Variants in GAP43 observed in about 807,000 individuals in gnomAD.
GAP43 encodes growth associated protein 43, also known as neuromodulin.
Under a neutral mutation model 18.6 loss-of-function variants are expected in GAP43, and 6 were observed. That is an observed-to-expected ratio of 0.32 (90% CI 0.18 to 0.64). GAP43 has a LOEUF of 0.64. Ranked by LOEUF, GAP43 falls within the 30% of genes least tolerant of loss-of-function variation. The probability of loss-of-function intolerance (pLI) is 0.78; values close to 1 mark genes in which losing one functional copy is unlikely to be tolerated. For synonymous variants in GAP43, 115 were observed against 111.4 expected, an observed-to-expected ratio of 1.03 and a Z score of -0.20; for missense variants, 292 against 295.5, an observed-to-expected ratio of 0.99 and a Z score of 0.09.
chr3:115,686,078 T>C (rs1709029732), intron 2 of GAP43, among the ~76,000 whole-genome samples: 1 of 152,252 alleles, frequency 6.6e-6, no homozygotes, highest in Non-Finnish European at 1.5e-5. Context: ...GATTTCAGGC[T>C]ACCAATGTGT....
At chr3:115,698,427 C>T (rs1011388748) in intron 2 of GAP43, among the ~76,000 whole-genome samples, 1 of 145,700 alleles carries the variant, frequency 6.9e-6, no homozygotes, top group Admixed American at 7.4e-5. Flanking sequence ...ACTCAGATTA[C>T]TCCAATAAAA....
At chr3:115,681,816 C>G (rs2107351480) in intron 2 of GAP43, among the ~76,000 whole-genome samples, 1 of 152,274 alleles carries the variant, frequency 6.6e-6, no homozygotes, top group East Asian at 1.9e-4. Context: ...ATTTTCCCTT[C>G]CCTTTTTACA....
rs1709572894 is a variant in GAP43, at chr3:115,721,129, C to CAAGT, written c.*248_*251dup. On this transcript the variant is annotated 3_prime_UTR_variant, in exon 3 of 3. Coordinates refer to ENST00000305124, the MANE Select transcript of GAP43 (RefSeq NM_002045.4). ...TTTTTGTTTCTTGGTGTTGTTATGGCAAGTTTTTGGTAATGATGATTCAAT... is the reference window on the plus strand; with the variant it reads ...TTTTTGTTTCTTGGTGTTGTTATGGCAAGTAAGTTTTTGGTAATGATGATTCAAT... 1 of 248,526 alleles carries CAAGT rather than the reference C, an allele frequency of 4.0e-6. No homozygotes were observed. Among genetic ancestry groups the CAAGT allele is most frequent in the African/African-American group, 2.3e-5 (1 of 44,260 alleles). The allele number at this position is 248,526 out of a possible 1,614,324, so 15.4% of individuals were successfully genotyped here. A position where few individuals can be genotyped will look rare whatever the true frequency, so the allele number is the denominator to read the frequency against.
intron 1 of GAP43, among the ~76,000 whole-genome samples, chr3:115,628,876 T>C (rs1231784838): frequency 6.6e-6 from 1 of 152,198 alleles, no homozygotes; most frequent in Non-Finnish European, 1.5e-5. Context: ...GTAGATCAGA[T>C]GTCTGTTTTT....
intron 1 of GAP43, among the ~76,000 whole-genome samples, chr3:115,640,982 C>CCTTT (rs751233384): frequency 7.5e-6 from 1 of 133,736 alleles, no homozygotes; most frequent in African/African-American, 2.7e-5. Context: ...TTCCTTCCTT[C>CCTTT]TTCTTTCTTC....
intron 2 of GAP43, among the ~76,000 whole-genome samples, chr3:115,681,435 G>A (rs16823991): frequency 0.1 from 15,559 of 152,024 alleles, 1,292 homozygotes; most frequent in East Asian, 0.34. Flanking sequence ...CTGTTGTTGT[G>A]ATCTGATGCT....
Position 115,633,128 on chromosome 3 carries a change from C to T in GAP43, c.30+9409C>T, listed in dbSNP as rs72961640. On this transcript the variant is annotated intron_variant, in intron 1 of 2. Coordinates refer to ENST00000305124, the MANE Select transcript of GAP43 (RefSeq NM_002045.4). ...GAATTCATAAACTCTTTCTGGGGCC[C>T]TGCATCAAAAAAGACTCAGTTATTA... Among the ~76,000 whole-genome samples the T allele has an allele frequency of 5.9e-3, 896 of 151,996 alleles. 11 individuals carry two copies. The highest frequency in any genetic ancestry group is 0.02 in the African/African-American group (829 of 41,486).
intron 1 of GAP43, among the ~76,000 whole-genome samples, chr3:115,647,308 G>A (rs1639732625): frequency 6.6e-6 from 1 of 152,012 alleles, no homozygotes; most frequent in African/African-American, 2.4e-5. Context: ...GGAATGGTGA[G>A]AAATAAATTT....
At chr3:115,710,276 A>C (rs975595001) in intron 2 of GAP43, among the ~76,000 whole-genome samples, 14 of 151,676 alleles carry the variant, frequency 9.2e-5, no homozygotes, top group African/African-American at 3.4e-4. Flanking sequence ...TTGTCTGTAG[A>C]TATCATAGGC....
intron 2 of GAP43, among the ~76,000 whole-genome samples, chr3:115,714,610 T>C (rs913088754): frequency 6.6e-6 from 1 of 152,108 alleles, no homozygotes; most frequent in Admixed American, 6.6e-5. Flanking sequence ...TTTGAAAAAT[T>C]TGTGTCTTGA....
At chr3:115,658,897 C>T (rs1708620915) in intron 1 of GAP43, 1 of 152,492 alleles carries the variant, frequency 6.6e-6, no homozygotes, top group African/African-American at 2.4e-5. Context: ...TTGGCCCGCT[C>T]GCCTTCAGCT....
At chr3:115,707,872 C>T (rs1463596541) in intron 2 of GAP43, among the ~76,000 whole-genome samples, 1 of 151,900 alleles carries the variant, frequency 6.6e-6, no homozygotes, top group East Asian at 1.9e-4. Flanking sequence ...TTTGCTATTT[C>T]CTTTGATCAT....
intron 2 of GAP43, among the ~76,000 whole-genome samples, chr3:115,715,578 CATTT>C (rs1168786128): frequency 2.6e-5 from 4 of 152,190 alleles, no homozygotes; most frequent in Non-Finnish European, 4.4e-5. Flanking sequence ...CCCAGCCATT[CATTT>C]GTCTTTGACA....
intron 1 of GAP43, among the ~76,000 whole-genome samples, chr3:115,625,006 G>C (rs1343480099): frequency 6.6e-6 from 1 of 151,988 alleles, no homozygotes; most frequent in Non-Finnish European, 1.5e-5. Flanking sequence ...TCCAGTGCAG[G>C]TATTGGAAAT....
chr3:115,627,033 C>G (rs898405097), intron 1 of GAP43, among the ~76,000 whole-genome samples: 2 of 150,842 alleles, frequency 1.3e-5, no homozygotes, highest in African/African-American at 2.4e-5. Context: ...ATAATTGAAG[C>G]TTCTCGTTCT....
In GAP43 at chr3:115,702,921, G is replaced by T. The variant is rs573803144; in HGVS notation, c.629-17873G>T. 4.6e-5 allele frequency among the ~76,000 whole-genome samples: 7 copies of T among 152,224 alleles called. No homozygotes were observed. The East Asian group carries it at 1.3e-3, about 29-fold the overall frequency. The stretch of plus-strand genomic sequence containing the variant: ...AGTCTTACGGGAGTCCTGAGAAAGA[G>T]TTGACGCAAGTCATATGGAGAAGAG... On this transcript the variant is annotated intron_variant, in intron 2 of 2. Transcript: ENST00000305124.
chr3:115,717,154 A>G (rs1233115567), intron 2 of GAP43, among the ~76,000 whole-genome samples: 1 of 152,096 alleles, frequency 6.6e-6, no homozygotes, highest in Non-Finnish European at 1.5e-5. Flanking sequence ...AGAAATATTT[A>G]CTGAGGTTCT....
At position 115,721,476 on chromosome 3, in the gene GAP43, G is replaced by A. The variant is rs1317457657; in HGVS notation, c.*594G>A. On this transcript the variant is annotated 3_prime_UTR_variant, in exon 3 of 3. Coordinates refer to ENST00000305124, the MANE Select transcript of GAP43 (RefSeq NM_002045.4). ...ACCCGAATATTAATAAATCATGAGA[G>A]TAATCAAGGTCCAATGGCTCTGTGT... 2.6e-5 allele frequency: 4 copies of A among 152,166 alleles called. No homozygotes were observed. Among genetic ancestry groups the A allele is most frequent in the African/African-American group, 9.7e-5 (4 of 41,446 alleles). The allele number at this position is 152,166 out of a possible 1,614,324, so 9.4% of individuals were successfully genotyped here. A position where few individuals can be genotyped will look rare whatever the true frequency, so the allele number is the denominator to read the frequency against.
intron 2 of GAP43, among the ~76,000 whole-genome samples, chr3:115,700,793 A>G (rs1709288908): frequency 6.6e-6 from 1 of 151,990 alleles, no homozygotes; most frequent in African/African-American, 2.4e-5. Context: ...AATTAACTCT[A>G]TTTTTTCTAT....
Sources: allele counts gnomAD v4.1 joint callset (sites outside exome capture counted in the v4.1 genomes callset), GRCh38; gene constraint gnomAD v4.1.1; transcripts MANE v1.5; gene names NCBI Gene and HGNC (gene_info 2026-07-23, HGNC 2026-07-21).